Variants in TG observed in about 807,000 individuals in gnomAD.
The protein encoded by TG is thyroglobulin, also known as thyroid hormones.
A neutral mutation model predicts 324.7 loss-of-function variants in TG; 270 were observed. That is an observed-to-expected ratio of 0.83 (90% CI 0.75 to 0.92). The LOEUF is 0.92. Ranked by LOEUF, TG falls within the 40% of genes least tolerant of loss-of-function variation. The pLI is 0.00. For missense variants in TG, 3,591 were observed against 3,456.4 expected (o/e 1.04, Z -0.98); for synonymous variants, 1,401 against 1,327.0 (o/e 1.06, Z -1.21).
chr8:132,933,363 G>GCT (rs1227126269), intron 23 of TG, among the ~76,000 whole-genome samples, 198 bp from the exon 24 acceptor site: 35 of 10,468 alleles, frequency 3.3e-3, no homozygotes, highest in South Asian at 9.0e-3. Flanking sequence ...TGTGTTTGGA[G>GCT]GTGTGTGTGC....
intron 34 of TG, among the ~76,000 whole-genome samples, chr8:132,981,161 G>A (rs960224206): frequency 9.2e-5 from 14 of 152,272 alleles, no homozygotes; most frequent in South Asian, 8.3e-4. Context: ...ACTGATAGTG[G>A]GTGTGAAAGG....
intron 45 of TG, among the ~76,000 whole-genome samples, chr8:133,127,855 G>C (rs888534523): frequency 2.6e-5 from 4 of 151,998 alleles, no homozygotes; most frequent in African/African-American, 9.7e-5. Flanking sequence ...GCTCCATACA[G>C]AGCACAAAGC....
At chr8:132,877,445 C>T (rs911421449) in intron 5 of TG, among the ~76,000 whole-genome samples, 1 of 152,126 alleles carries the variant, frequency 6.6e-6, no homozygotes, top group African/African-American at 2.4e-5. Flanking sequence ...ACGGCCCGCT[C>T]TTTTAAGGAG....
At position 132,893,810 on chromosome 8, in the gene TG, A is replaced by G. The variant is rs764131708; in HGVS notation, c.2882A>G (p.Lys961Arg). The G allele has an allele frequency of 5.0e-6, 8 of 1,613,878 alleles. No individual in the cohort carries two copies. The highest frequency in any genetic ancestry group is 1.3e-5 in the African/African-American group (1 of 74,862). ...FPLGESFLVA[K>R]GIRLRNEDLG... ...CTGGGGGAGAGTTTCCTGGTGGCCA[A>G]GGGAATCCGGCTGAGGAATGAGGAC... is the stretch of plus-strand genomic sequence containing the variant. Residue 961 changes from lysine (K) to arginine (R), a missense_variant, in exon 11 of 48, where the codon AAG (lysine) becomes AGG (arginine). Physicochemically the swap from Lys to Arg is conservative, Grantham distance 26 (BLOSUM62 2). Transcript: ENST00000220616.
At chr8:133,050,404 T>G in intron 41 of TG, 1 of 263,888 alleles carries the variant, frequency 3.8e-6, no homozygotes, top group Non-Finnish European at 7.3e-6. Flanking sequence ...ATAGCCCATA[T>G]TGAATCAGAC....
chr8:133,011,803 C>T (rs886168891), intron 35 of TG, 98 bp from the exon 36 acceptor site: 1 of 1,524,558 alleles, frequency 6.6e-7, no homozygotes, highest in Non-Finnish European at 9.1e-7. Flanking sequence ...AGGAGGATGC[C>T]CCTAAGGCTG....
intron 41 of TG, chr8:133,050,717 T>G (rs1263176845): frequency 2.5e-6 from 2 of 791,976 alleles, no homozygotes; most frequent in Non-Finnish European, 4.4e-6. Context: ...CCAGGACTCA[T>G]GTGGAACTAG....
intron 41 of TG, among the ~76,000 whole-genome samples, chr8:133,091,601 AG>A (rs1847541353): frequency 6.6e-6 from 1 of 150,956 alleles, no homozygotes; most frequent in Non-Finnish European, 1.5e-5. Flanking sequence ...TGAGTGTGTG[AG>A]TCTATCTGTA....
At chr8:133,051,043 C>A (rs1322786840) in intron 41 of TG, 2 of 632,872 alleles carry the variant, frequency 3.2e-6, no homozygotes, top group Non-Finnish European at 5.7e-6. Flanking sequence ...TTGTTTTGAA[C>A]CACCAATTTA....
At chr8:133,075,556 T>C (rs1205473319) in intron 41 of TG, among the ~76,000 whole-genome samples, 2 of 152,156 alleles carry the variant, frequency 1.3e-5, no homozygotes, top group African/African-American at 2.4e-5. Flanking sequence ...ATGGTAATAA[T>C]AGTGTGGTTA....
chr8:132,880,441 A>G (rs1814491916), intron 5 of TG, among the ~76,000 whole-genome samples: 1 of 152,228 alleles, frequency 6.6e-6, no homozygotes, highest in African/African-American at 2.4e-5. Context: ...GCTCTGATGA[A>G]TGAACTTTTA....
At chr8:132,933,944 C>A (rs1200026021) in intron 24 of TG, among the ~76,000 whole-genome samples, 1 of 152,168 alleles carries the variant, frequency 6.6e-6, no homozygotes, top group Non-Finnish European at 1.5e-5. Flanking sequence ...CCACCTGCCC[C>A]ATCAGGCAGT....
chr8:132,930,987 C>T (rs1191278504), intron 23 of TG, among the ~76,000 whole-genome samples: 3 of 152,206 alleles, frequency 2.0e-5, no homozygotes, highest in African/African-American at 7.2e-5. Context: ...GCATCCAGCA[C>T]TGTGTTAGTC....
chr8:133,090,450 G>A (rs879739624), intron 41 of TG, among the ~76,000 whole-genome samples: 19 of 152,340 alleles, frequency 1.2e-4, no homozygotes, highest in Admixed American at 2.0e-4. Flanking sequence ...ACCTTGGCCC[G>A]TGTGTGGTAC....
intron 41 of TG, among the ~76,000 whole-genome samples, chr8:133,093,872 T>C (rs1057160895): frequency 2.0e-5 from 3 of 152,234 alleles, no homozygotes; most frequent in African/African-American, 4.8e-5. Flanking sequence ...AACCGACTTA[T>C]ACAATTGCTG....
At chr8:133,035,676 T>A (rs1837042153) in intron 41 of TG, among the ~76,000 whole-genome samples, 1 of 152,212 alleles carries the variant, frequency 6.6e-6, no homozygotes, top group Admixed American at 6.5e-5. Context: ...CTTTTGCACA[T>A]CTCTCTTTGC....
At chr8:132,994,657 T>C in intron 35 of TG, 1 of 1,282,706 alleles carries the variant, frequency 7.8e-7, no homozygotes. Context: ...CTGAATTCCC[T>C]GACCTCCTGA....
At position 133,069,807 on chromosome 8, in the gene TG, C is replaced by T. The variant is rs531711649; in HGVS notation, c.7240-25237C>T. 7.9e-5 allele frequency among the ~76,000 whole-genome samples: 12 copies of T among 151,924 alleles called. No individual in the cohort carries two copies. In the South Asian group the frequency reaches 2.1e-3, roughly 26 times the overall value. ...TTTGAGGTCAGGAGTTCAAGACCAG[C>T]CCGGCCAACATGGCAAAAATCTCAT... On this transcript the variant is annotated intron_variant, in intron 41 of 47. Coordinates refer to ENST00000220616, the MANE Select transcript of TG (RefSeq NM_003235.5).
At chr8:132,984,119 G>T (rs1831236629) in intron 35 of TG, among the ~76,000 whole-genome samples, 1 of 152,190 alleles carries the variant, frequency 6.6e-6, no homozygotes. Context: ...GAAATGAGAG[G>T]CTCAGCCTGG....
Sources: allele counts gnomAD v4.1 joint callset (sites outside exome capture counted in the v4.1 genomes callset), GRCh38; gene constraint gnomAD v4.1.1; transcripts MANE v1.5; gene names NCBI Gene and HGNC (gene_info 2026-07-23, HGNC 2026-07-21).